FILIP1L: variants seen among roughly 807,000 people sequenced by gnomAD.
FILIP1L encodes filamin A interacting protein 1 like, also known as filamin A-interacting protein 1-like.
A neutral mutation model predicts 96.6 loss-of-function variants in FILIP1L; 55 were observed. That is an observed-to-expected ratio of 0.57 (90% confidence interval 0.46 to 0.71). FILIP1L has a LOEUF of 0.71. FILIP1L is among the 30% of genes least tolerant of loss of function. The pLI is 0.00. For synonymous variants in FILIP1L, 467 were observed against 473.9 expected, an observed-to-expected ratio of 0.99 and a Z score of 0.19; for missense variants, 1,304 against 1,321.2, an observed-to-expected ratio of 0.99 and a Z score of 0.20.
At chr3:99,925,605 T>C (rs954047338) in intron 3 of FILIP1L, among the ~76,000 whole-genome samples, 1 of 152,140 alleles carries the variant, frequency 6.6e-6, no homozygotes, top group African/African-American at 2.4e-5. Context: ...TTAACAAAAG[T>C]AGGGATTCAG....
At chr3:100,044,027 T>C (rs1448951869) in intron 1 of FILIP1L, among the ~76,000 whole-genome samples, 1 of 152,224 alleles carries the variant, frequency 6.6e-6, no homozygotes, top group Non-Finnish European at 1.5e-5. Flanking sequence ...TCCTTCTGTT[T>C]GAAGGCTAGC....
In FILIP1L at chr3:100,029,937, C is replaced by A. The variant is rs574057938; in HGVS notation, c.-11+84116G>T. 2.0e-5 allele frequency among the ~76,000 whole-genome samples: 3 copies of A among 152,190 alleles called. No homozygotes were observed. In the East Asian group the frequency reaches 5.8e-4, roughly 29 times the overall value. ...GAGATCTTGGAACGTTTAGAAGCAG[C>A]CCAGGTGTGACATGAGTGAGGACTC... is the stretch of plus-strand genomic sequence containing the variant. On this transcript the variant is annotated intron_variant, in intron 1 of 5. Transcript: ENST00000477258.
chr3:99,966,999 A>T (rs1280313721), intron 1 of FILIP1L, among the ~76,000 whole-genome samples: 2 of 152,174 alleles, frequency 1.3e-5, no homozygotes, highest in East Asian at 3.9e-4. Flanking sequence ...TTAGGTGATC[A>T]TTGCATTCTC....
In FILIP1L at chr3:99,850,642, C is replaced by T. The variant is rs374961168; in HGVS notation, c.1034G>A (p.Arg345Gln). Residue 345 changes from arginine (R) to glutamine (Q), a missense_variant, in exon 5 of 6, where the codon CGA (arginine) becomes CAA (glutamine). Coordinates refer to ENST00000477258, the MANE Select transcript of FILIP1L (RefSeq NM_001387850.1). ...DELEETNRSL[R>Q]KAEEELQDIK... ...ATCTTGCAGCTCCTCTTCTGCTTTT[C>T]GTAAAGACCTGTTTGTCTCTTCTAA... 65 of 1,613,940 alleles carry T rather than the reference C, an allele frequency of 4.0e-5. No homozygotes were observed. The highest frequency in any genetic ancestry group is 6.7e-5 in the Admixed American group (4 of 59,998).
intron 1 of FILIP1L, among the ~76,000 whole-genome samples, chr3:100,071,248 A>C (rs1425538873): frequency 6.6e-6 from 1 of 152,140 alleles, no homozygotes; most frequent in East Asian, 1.9e-4. Flanking sequence ...TACTCACTTC[A>C]TCTCCTGAGA....
rs549135321 is a variant in FILIP1L at position 100,089,557 on chromosome 3, C to CA, written c.-11+24495dup. Among the ~76,000 whole-genome samples the CA allele has an allele frequency of 5.0e-3, 759 of 152,294 alleles. 4 individuals carry two copies. The highest frequency in any genetic ancestry group is 0.017 in the African/African-American group (714 of 41,556). On this transcript the variant is annotated intron_variant, in intron 1 of 5. Coordinates refer to ENST00000477258, the MANE Select transcript of FILIP1L (RefSeq NM_001387850.1). ...CATGTCAAGCAAAAAGGATAGGAAG[C>CA]AGAAACATTTCTAAAACTGAACAAT...
At chr3:99,898,457 CCACT>C (rs1207095938) in intron 4 of FILIP1L, 2 of 152,072 alleles carry the variant, frequency 1.3e-5, no homozygotes, top group Non-Finnish European at 2.9e-5. Flanking sequence ...TGACATGCAC[CCACT>C]CACACATTAA....
At chr3:99,931,990 A>C (rs35927824) in intron 1 of FILIP1L, among the ~76,000 whole-genome samples, 617 of 152,326 alleles carry the variant, frequency 4.1e-3, no homozygotes, top group Middle Eastern at 0.01. Context: ...CCTTACTTTT[A>C]GTTTGTAGTA....
intron 1 of FILIP1L, among the ~76,000 whole-genome samples, chr3:99,961,607 T>C (rs1225857756): frequency 1.3e-5 from 2 of 152,178 alleles, no homozygotes; most frequent in African/African-American, 4.8e-5. Flanking sequence ...CATATTATTT[T>C]GGGGAGCTGG....
At chr3:100,086,024 G>A (rs1178816835) in intron 1 of FILIP1L, among the ~76,000 whole-genome samples, 1 of 152,190 alleles carries the variant, frequency 6.6e-6, no homozygotes, top group African/African-American at 2.4e-5. Context: ...AAGTACATCT[G>A]CATTTGAATA....
At chr3:100,092,324 C>T (rs1343774164) in intron 1 of FILIP1L, among the ~76,000 whole-genome samples, 1 of 151,880 alleles carries the variant, frequency 6.6e-6, no homozygotes, top group Non-Finnish European at 1.5e-5. Flanking sequence ...GTAGATTTCC[C>T]GTCATAGCAT....
chr3:99,976,310 C>A (rs1247959229), intron 1 of FILIP1L, among the ~76,000 whole-genome samples: 3 of 152,102 alleles, frequency 2.0e-5, no homozygotes, highest in African/African-American at 7.2e-5. Context: ...TGCTTATAAC[C>A]AAATAATTAT....
chr3:99,831,994 G>A (rs1230193393), intron 5 of FILIP1L, among the ~76,000 whole-genome samples: 2 of 152,172 alleles, frequency 1.3e-5, no homozygotes, highest in African/African-American at 2.4e-5. Flanking sequence ...GGTGGAGCTC[G>A]TTTCTTTTGA....
At chr3:100,079,276 C>G (rs762303831) in intron 1 of FILIP1L, among the ~76,000 whole-genome samples, 12 of 152,056 alleles carry the variant, frequency 7.9e-5, no homozygotes, top group Non-Finnish European at 1.2e-4. Context: ...TTCTGTTGGT[C>G]GAAGTATTCA....
intron 1 of FILIP1L, among the ~76,000 whole-genome samples, chr3:99,958,203 CATTATTATT>C (rs71688408): frequency 0.021 from 2,728 of 132,690 alleles, 46 homozygotes; most frequent in Middle Eastern, 0.034. Flanking sequence ...GCCCTGCATG[CATTATTATT>C]ATTATTATTA....
At chr3:99,835,649 A>C (rs188956999) in intron 5 of FILIP1L, among the ~76,000 whole-genome samples, 49 of 152,344 alleles carry the variant, frequency 3.2e-4, no homozygotes, top group African/African-American at 1.2e-3. Context: ...ATTCTGATGA[A>C]GGTGGTCAAT....
chr3:100,112,542 A>T (rs1348590265), intron 1 of FILIP1L, among the ~76,000 whole-genome samples: 1 of 152,244 alleles, frequency 6.6e-6, no homozygotes, highest in African/African-American at 2.4e-5. Context: ...AATAAAGCTT[A>T]AGCAAAAAAG....
At chr3:100,064,906 A>C (rs936741928) in intron 1 of FILIP1L, among the ~76,000 whole-genome samples, 2 of 152,204 alleles carry the variant, frequency 1.3e-5, no homozygotes, top group Non-Finnish European at 1.5e-5. Context: ...GGGCAGGGGG[A>C]CTAACAAACA....
rs977244914 is a variant in FILIP1L at position 100,040,961 on chromosome 3, T to C, written c.-11+73092A>G. 3.3e-5 allele frequency: 5 copies of C among 152,360 alleles called. No homozygotes were observed. The South Asian group carries it at 8.3e-4, about 25-fold the overall frequency. The allele number at this position is 152,360 out of a possible 1,614,324, so 9.4% of individuals were successfully genotyped here. A position where few individuals can be genotyped will look rare whatever the true frequency, so the allele number is the denominator to read the frequency against. ...GAAAAAGGTTTTTATAACGAGTTCA[T>C]GTATTCCACTATGAATTTTGCTGAA... On this transcript the variant is annotated intron_variant, in intron 1 of 5. Transcript: ENST00000477258.
Sources: gnomAD v4.1 joint callset for allele counts (sites outside exome capture counted in the v4.1 genomes callset) on GRCh38, gnomAD v4.1.1 for gene constraint, MANE v1.5 for transcripts, NCBI Gene and HGNC (gene_info 2026-07-23, HGNC 2026-07-21) for gene names.